NREP: variants seen among roughly 807,000 people sequenced by gnomAD.
NREP encodes the protein neuronal regeneration-related protein.
Under a neutral mutation model 8.6 loss-of-function variants are expected in NREP, and 5 were observed. The observed-to-expected ratio is 0.58, with a 90% CI of 0.30 to 1.22. The LOEUF is 1.22. Among genes scored for constraint, NREP ranks in the 50% most tolerant of loss-of-function variants. The pLI, the probability that NREP is intolerant of heterozygous loss-of-function variation, is 0.07. For missense variants in NREP, 86 were observed against 82.5 expected (o/e 1.04, Z -0.17); for synonymous variants, 27 against 28.0 (o/e 0.96, Z 0.11).
intron 2 of NREP, among the ~76,000 whole-genome samples, chr5:111,967,294 A>T (rs76354661): frequency 6.6e-6 from 1 of 152,088 alleles, no homozygotes; most frequent in Admixed American, 6.6e-5. Flanking sequence ...CTTTCTTTAT[A>T]TTTTTTTCTT....
chr5:111,778,711 A>G (rs1317115076), intron 2 of NREP, among the ~76,000 whole-genome samples: 1 of 152,162 alleles, frequency 6.6e-6, no homozygotes, highest in East Asian at 1.9e-4. Flanking sequence ...TGAGGCCCTA[A>G]AAAGCAGAGA....
At chr5:111,752,895 T>C (rs1750452424) in intron 2 of NREP, among the ~76,000 whole-genome samples, 1 of 152,226 alleles carries the variant, frequency 6.6e-6, no homozygotes, top group Non-Finnish European at 1.5e-5. Context: ...GATCATCTAT[T>C]CATTCTGAAC....
chr5:111,903,539 C>T (rs897405748), intron 2 of NREP, among the ~76,000 whole-genome samples: 3 of 152,052 alleles, frequency 2.0e-5, no homozygotes, highest in Non-Finnish European at 4.4e-5. Flanking sequence ...ATTTTTTCTA[C>T]CTAACTGATT....
intron 2 of NREP, among the ~76,000 whole-genome samples, chr5:111,764,345 G>T (rs1472225060): frequency 6.6e-6 from 1 of 152,198 alleles, no homozygotes; most frequent in Non-Finnish European, 1.5e-5. Context: ...AGACATACCT[G>T]AGACTGGGCA....
At chr5:111,909,038 T>A (rs10062983) in intron 2 of NREP, among the ~76,000 whole-genome samples, 19,786 of 152,062 alleles carry the variant, frequency 0.13, 1,719 homozygotes, top group African/African-American at 0.24. Flanking sequence ...TTGAGAAGTG[T>A]CTGTACATGT....
chr5:111,848,041 G>T (rs1425995190), intron 2 of NREP, among the ~76,000 whole-genome samples: 1 of 152,118 alleles, frequency 6.6e-6, no homozygotes, highest in Admixed American at 6.6e-5. Context: ...AAACTCAACT[G>T]GTGGGTCCTG....
intron 2 of NREP, among the ~76,000 whole-genome samples, chr5:111,912,958 A>C (rs535188214): frequency 6.6e-6 from 1 of 152,274 alleles, no homozygotes; most frequent in South Asian, 2.1e-4. Flanking sequence ...TTGTTCATTA[A>C]GATTATTAGC....
At chr5:111,742,278 T>C (rs1749731781) in intron 2 of NREP, among the ~76,000 whole-genome samples, 1 of 152,130 alleles carries the variant, frequency 6.6e-6, no homozygotes, top group African/African-American at 2.4e-5. Flanking sequence ...TTTGCAGACT[T>C]TAATAGTGGA....
intron 2 of NREP, among the ~76,000 whole-genome samples, chr5:111,841,593 AT>A (rs1009085507): frequency 6.6e-6 from 1 of 152,240 alleles, no homozygotes; most frequent in African/African-American, 2.4e-5. Context: ...CAGGGACTTA[AT>A]TTTTTTAAAA....
intron 2 of NREP, among the ~76,000 whole-genome samples, chr5:111,898,203 A>G (rs1461210213): frequency 6.6e-6 from 1 of 152,194 alleles, no homozygotes; most frequent in African/African-American, 2.4e-5. Context: ...GAGAACAGCT[A>G]TAAAGAGGAA....
chr5:111,894,175 C>G (rs1424558276), intron 2 of NREP, among the ~76,000 whole-genome samples: 1 of 152,084 alleles, frequency 6.6e-6, no homozygotes, highest in Non-Finnish European at 1.5e-5. Flanking sequence ...GCCGAGATCA[C>G]GCCATTGCAC....
intron 2 of NREP, among the ~76,000 whole-genome samples, chr5:111,923,703 C>G (rs1755308307): frequency 6.6e-6 from 1 of 152,152 alleles, no homozygotes; most frequent in African/African-American, 2.4e-5. Flanking sequence ...CAGTTCCTTA[C>G]TTAGGTAACC....
chr5:111,969,163 G>C (rs1365294036), intron 2 of NREP, among the ~76,000 whole-genome samples: 6 of 152,204 alleles, frequency 3.9e-5, no homozygotes, highest in African/African-American at 1.2e-4. Context: ...TCTAATGGTG[G>C]AACACAGAAT....
rs185568703 is a variant in NREP at position 111,922,704 on chromosome 5, G to C, written c.135+52570C>G. ...AGTTTTATTCTTCCCTAGATGAAAA[G>C]TTTGGTGAAGAGTCTTAAGGACCTT... On this transcript the variant is annotated intron_variant, in intron 2 of 3. Transcript: ENST00000395634. 3.9e-5 allele frequency among the ~76,000 whole-genome samples: 6 copies of C among 152,300 alleles called. No individual in the cohort carries two copies. The East Asian group carries it at 1.2e-3, about 29-fold the overall frequency.
At chr5:111,805,117 C>T (rs1255855060) in intron 2 of NREP, among the ~76,000 whole-genome samples, 1 of 152,132 alleles carries the variant, frequency 6.6e-6, no homozygotes, top group Non-Finnish European at 1.5e-5. Context: ...TTCAGCTTCA[C>T]TGATGATAAG....
intron 2 of NREP, among the ~76,000 whole-genome samples, chr5:111,748,913 A>G (rs528891039): frequency 2.6e-5 from 4 of 152,178 alleles, no homozygotes; most frequent in South Asian, 4.1e-4. Context: ...TAAACATGTG[A>G]TAAGTATACA....
In NREP at chr5:111,735,524, G is replaced by T. The variant is rs1452989652; in HGVS notation, c.4-17C>A. On this transcript the variant is annotated splice_polypyrimidine_tract_variant and intron_variant, in intron 2 of 3. Transcript: ENST00000257435. Reference sequence around the variant, plus strand: ...GTAATAAACCTATAGAGACACAAAAGCATACACATTCAGATTAAAAACAGG... The same window carrying T: ...GTAATAAACCTATAGAGACACAAAATCATACACATTCAGATTAAAAACAGG... 6.3e-7 allele frequency: 1 copy of T among 1,578,784 alleles called. No individual in the cohort carries two copies. The highest frequency in any genetic ancestry group is 8.7e-7 in the Non-Finnish European group (1 of 1,149,338).
chr5:111,829,828 C>G (rs1388637478), intron 2 of NREP, among the ~76,000 whole-genome samples: 2 of 152,174 alleles, frequency 1.3e-5, no homozygotes, highest in East Asian at 3.9e-4. Flanking sequence ...TTTTTAAACT[C>G]AATGACTTCA....
At chr5:111,777,133 A>G (rs183792056) in intron 2 of NREP, among the ~76,000 whole-genome samples, 2 of 152,246 alleles carry the variant, frequency 1.3e-5, no homozygotes, top group African/African-American at 4.8e-5. Flanking sequence ...TTTCTCAACT[A>G]GAGTTCCTCA....
Sources: allele counts gnomAD v4.1 joint callset (sites outside exome capture counted in the v4.1 genomes callset), GRCh38; gene constraint gnomAD v4.1.1; transcripts MANE v1.5; gene names NCBI Gene and HGNC (gene_info 2026-07-23, HGNC 2026-07-21).